ANKRD62: variants seen among roughly 807,000 people sequenced by gnomAD.
ANKRD62 encodes the protein ankyrin repeat domain 62.
Under a neutral mutation model 98.8 loss-of-function variants are expected in ANKRD62, and 61 were observed. The observed-to-expected ratio is 0.62, with a 90% CI of 0.50 to 0.76. The LOEUF is 0.76. Ranked by LOEUF, ANKRD62 falls within the 30% of genes least tolerant of loss-of-function variation. The pLI is 0.00. For missense variants in ANKRD62, 933 were observed against 1,082.9 expected (o/e 0.86, Z 1.94); for synonymous variants, 341 against 367.9 (o/e 0.93, Z 0.84).
chr18:12,122,202 C>A (rs1909796203), intron 10 of ANKRD62, 101 bp from the exon 11 acceptor site: 1 of 809,342 alleles, frequency 1.2e-6, no homozygotes, highest in Admixed American at 2.9e-5. Context: ...TGTACATATT[C>A]ATTCAGTGTA....
At chr18:12,096,505 CTTATT>C (rs759537290) in intron 4 of ANKRD62, among the ~76,000 whole-genome samples, 11 of 152,094 alleles carry the variant, frequency 7.2e-5, no homozygotes, top group Non-Finnish European at 1.6e-4. Flanking sequence ...TTTGTCTTCT[CTTATT>C]ATATTGACTG....
At chr18:12,114,312 T>C (rs999352633) in intron 8 of ANKRD62, among the ~76,000 whole-genome samples, 8 of 152,220 alleles carry the variant, frequency 5.3e-5, no homozygotes, top group Admixed American at 1.3e-4. Context: ...GATTAAAATC[T>C]TATTTTTAAA....
At chr18:12,173,287 C>A in the ANKRD62 span, among the ~76,000 whole-genome samples, 4 of 152,222 alleles carry the variant, frequency 2.6e-5, no homozygotes, top group African/African-American at 9.6e-5. Flanking sequence ...GGCTTAAAGT[C>A]TGTTTTGTCT....
intron 10 of ANKRD62, among the ~76,000 whole-genome samples, chr18:12,119,597 A>G (rs2143925197): frequency 6.6e-6 from 1 of 152,246 alleles, no homozygotes; most frequent in African/African-American, 2.4e-5. Flanking sequence ...AATCCCATTC[A>G]GGAGGGCTTG....
the ANKRD62 span, among the ~76,000 whole-genome samples, chr18:12,156,590 G>A: frequency 6.6e-6 from 1 of 152,122 alleles, no homozygotes; most frequent in Admixed American, 6.5e-5. Flanking sequence ...TATAAGTCTA[G>A]ATATTACTTT....
the ANKRD62 span, among the ~76,000 whole-genome samples, chr18:12,135,288 C>T: frequency 4.8e-5 from 7 of 146,428 alleles, no homozygotes; most frequent in South Asian, 2.1e-4. Context: ...TGAGAACATG[C>T]GGTGTTTGGT....
At chr18:12,164,504 A>G in the ANKRD62 span, among the ~76,000 whole-genome samples, 10 of 151,594 alleles carry the variant, frequency 6.6e-5, no homozygotes, top group Non-Finnish European at 1.5e-4. Flanking sequence ...TGTTCTGATC[A>G]TTTTTATATC....
chr18:12,172,143 C>T, the ANKRD62 span, among the ~76,000 whole-genome samples: 6 of 152,306 alleles, frequency 3.9e-5, no homozygotes, highest in South Asian at 6.2e-4. Flanking sequence ...TCTCTCAACT[C>T]GTCAAAGTCA....
At chr18:12,135,883 T>A in the ANKRD62 span, among the ~76,000 whole-genome samples, 116 of 151,970 alleles carry the variant, frequency 7.6e-4, 1 homozygote, top group East Asian at 0.015. Flanking sequence ...CACTTTTTGA[T>A]GGGGTTGTTT....
intron 8 of ANKRD62, among the ~76,000 whole-genome samples, chr18:12,110,597 T>G (rs1280151668): frequency 1.3e-5 from 2 of 152,228 alleles, no homozygotes; most frequent in African/African-American, 4.8e-5. Context: ...GAAGTTGAAC[T>G]GTCTGTACTC....
chr18:12,146,410 A>G, the ANKRD62 span, among the ~76,000 whole-genome samples: 1 of 152,102 alleles, frequency 6.6e-6, no homozygotes, highest in Admixed American at 6.5e-5. Flanking sequence ...AGCACAGCAC[A>G]CTTGCTTTAT....
Position 12,102,823 on chromosome 18 carries a change from T to C in ANKRD62, c.821-335T>C, listed in dbSNP as rs559313816. On this transcript the variant is annotated intron_variant, in intron 6 of 13. Transcript: ENST00000587848. ...GGAAGTAAAGAACAATATGTAGTGT[T>C]AGTTTATCTGTTAATACTGGATTTT... The C allele has an allele frequency of 3.3e-4, 314 of 948,964 alleles. 1 individual carries two copies. The highest frequency in any genetic ancestry group is 3.8e-4 in the Non-Finnish European group (296 of 786,182). 58.8% of individuals were successfully genotyped at this position (948,964 alleles called of 1,614,324 possible). A position where few individuals can be genotyped will look rare whatever the true frequency, so the allele number is the denominator to read the frequency against.
At position 12,103,223 on chromosome 18, in the gene ANKRD62, C is replaced by A; in HGVS notation, c.886C>A (p.Pro296Thr). 7.4e-7 allele frequency: 1 copy of A among 1,343,996 alleles called. No individual in the cohort carries two copies. Among genetic ancestry groups the A allele is most frequent in the Non-Finnish European group, 9.6e-7 (1 of 1,038,052 alleles). 83.3% of individuals were successfully genotyped at this position (1,343,996 alleles called of 1,614,324 possible). The change falls in exon 7 of 14, where the codon CCA becomes ACA. Residue 296 changes from proline (P) to threonine (T), a missense_variant. Physicochemically the swap from Pro to Thr is conservative, Grantham distance 38. Coordinates refer to ENST00000587848, the MANE Select transcript of ANKRD62 (RefSeq NM_001277333.2). Reference protein sequence around the residue: ...ERLEGCESSQPQVEEKMKKCR... With the variant: ...ERLEGCESSQTQVEEKMKKCR... Reference sequence around the variant, plus strand: ...GCTTGAAGGATGTGAAAGTAGCCAGCCACAGGTATGTAAAAATTTAATTTC... The same window carrying A: ...GCTTGAAGGATGTGAAAGTAGCCAGACACAGGTATGTAAAAATTTAATTTC...
the ANKRD62 span, among the ~76,000 whole-genome samples, chr18:12,163,060 T>C: frequency 1.3e-5 from 2 of 152,104 alleles, no homozygotes; most frequent in South Asian, 2.1e-4. Context: ...AGAATGTCAT[T>C]GGTATTTTGA....
Position 12,125,809 on chromosome 18 carries a change from C to T in ANKRD62, c.1988C>T (p.Ala663Val). ...MESYRCRLAA[A>V]LCDHDQRQSS... ...TCATACCGTTGTAGACTGGCTGCTGCCCTATGTGATCATGATCAACGTCAG... is the reference window on the plus strand; with the variant it reads ...TCATACCGTTGTAGACTGGCTGCTGTCCTATGTGATCATGATCAACGTCAG... Residue 663 changes from alanine (A) to valine (V), a missense_variant, in exon 13 of 14, where the codon GCC (alanine) becomes GTC (valine). Ala to Val is a moderately conservative substitution (Grantham distance 64). Around this residue, in one of 3 missense-constraint regions of ANKRD62, gnomAD observed 362 missense variants for 434.5 expected, o/e 0.83. Coordinates refer to ENST00000587848, the MANE Select transcript of ANKRD62 (RefSeq NM_001277333.2). 1 of 1,549,504 alleles carries T rather than the reference C, an allele frequency of 6.5e-7. No individual in the cohort carries two copies. Among genetic ancestry groups the T allele is most frequent in the Non-Finnish European group, 8.7e-7 (1 of 1,147,160 alleles).
At chr18:12,134,165 T>C (rs543585056), downstream of ANKRD62, among the ~76,000 whole-genome samples, 23 of 152,206 alleles carry the variant, frequency 1.5e-4, no homozygotes, top group Non-Finnish European at 3.2e-4. Context: ...CTGGCTCATA[T>C]GCCTTGAAAG....
the ANKRD62 span, among the ~76,000 whole-genome samples, chr18:12,137,306 C>T: frequency 6.6e-6 from 1 of 152,148 alleles, no homozygotes; most frequent in African/African-American, 2.4e-5. Context: ...TTGAGATAAT[C>T]ATGTGGTTTT....
intron 10 of ANKRD62, among the ~76,000 whole-genome samples, chr18:12,118,604 G>C (rs1909717491): frequency 8.9e-6 from 1 of 112,176 alleles, no homozygotes; most frequent in African/African-American, 3.3e-5. Context: ...GTAAGGCTCT[G>C]TCTTAAAAAA....
chr18:12,095,715 T>C (rs923920930), intron 3 of ANKRD62, 105 bp downstream of exon 3: 2 of 1,057,966 alleles, frequency 1.9e-6, no homozygotes, highest in African/African-American at 1.6e-5. Context: ...GGAAATATAT[T>C]ACGTGCAAAT....
Sources: allele counts gnomAD v4.1 joint callset (sites outside exome capture counted in the v4.1 genomes callset), GRCh38; gene constraint gnomAD v4.1.1; regional missense constraint gnomAD v4.1.1; transcripts MANE v1.5; gene names NCBI Gene and HGNC (gene_info 2026-07-23, HGNC 2026-07-21).